The following DAPK1 variants were observed in gnomAD, a reference collection of about 807,000 sequenced individuals.
DAPK1 encodes death-associated protein kinase 1.
In DAPK1, 56 loss-of-function variants were observed where a neutral mutation model predicts 144.9. The observed-to-expected ratio is 0.39, with a 90% CI of 0.31 to 0.48. The LOEUF is 0.48. DAPK1 is among the 20% of genes least tolerant of loss of function. DAPK1 has a pLI of 0.95. For missense variants in DAPK1, 1,454 were observed against 1,875.4 expected, an observed-to-expected ratio of 0.78 and a Z score of 4.15; for synonymous variants, 690 against 749.0, an observed-to-expected ratio of 0.92 and a Z score of 1.29.
Position 87,639,645 on chromosome 9 carries a change from C to T in DAPK1, c.554-5C>T. 1 of 1,614,094 alleles carries T rather than the reference C, an allele frequency of 6.2e-7. No homozygotes were observed. The highest frequency in any genetic ancestry group is 8.5e-7 in the Non-Finnish European group (1 of 1,179,972). On this transcript the variant is annotated splice_region_variant and splice_polypyrimidine_tract_variant and intron_variant, in intron 5 of 25. Transcript: ENST00000408954. ...CAAGCTAAATGAGTGTTTGTTTCCT[C>T]TTAGCTCCTGAGATAGTCAACTATG...
chr9:87,608,570 AG>A, intron 3 of DAPK1, among the ~76,000 whole-genome samples: 1 of 152,344 alleles, frequency 6.6e-6, no homozygotes, highest in Non-Finnish European at 1.5e-5. Flanking sequence ...TTCTAAAGTG[AG>A]CATACCGTTT....
chr9:87,639,766 T>A (rs1304622588), intron 6 of DAPK1, 23 bp from the exon 7 acceptor site: 1 of 1,613,438 alleles, frequency 6.2e-7, no homozygotes, highest in African/African-American at 1.3e-5. Flanking sequence ...CATGTTTTTT[T>A]GTTTGTTTTG....
chr9:87,691,166 A>G (rs755324530), intron 21 of DAPK1, among the ~76,000 whole-genome samples: 8 of 151,826 alleles, frequency 5.3e-5, no homozygotes, highest in African/African-American at 1.7e-4. Flanking sequence ...TACCAGTTCA[A>G]TCTCATTACT....
intron 3 of DAPK1, among the ~76,000 whole-genome samples, chr9:87,627,142 G>T (rs1012218951): frequency 3.3e-5 from 5 of 152,162 alleles, no homozygotes; most frequent in African/African-American, 1.2e-4. Context: ...CCAGCAGGTT[G>T]GCCATGGGGA....
At chr9:87,667,669 A>G (rs1831104077) in intron 18 of DAPK1, 1 of 152,196 alleles carries the variant, frequency 6.6e-6, no homozygotes, top group Non-Finnish European at 1.5e-5. Flanking sequence ...CAACTTTGTT[A>G]TTGATACACA....
At chr9:87,632,339 G>C (rs1829724170) in intron 3 of DAPK1, 2 of 983,782 alleles carry the variant, frequency 2.0e-6, no homozygotes, top group Admixed American at 6.2e-5. Flanking sequence ...GGACAAGGAG[G>C]ATGAGTACAT....
At chr9:87,625,683 T>G (rs1829467260) in intron 3 of DAPK1, among the ~76,000 whole-genome samples, 1 of 152,190 alleles carries the variant, frequency 6.6e-6, no homozygotes, top group Admixed American at 6.5e-5. Flanking sequence ...CCCAGAAAGA[T>G]TAAGTACTTT....
intron 3 of DAPK1, among the ~76,000 whole-genome samples, chr9:87,611,820 G>A (rs563991817): frequency 3.9e-4 from 59 of 152,212 alleles, no homozygotes; most frequent in African/African-American, 1.3e-3. Context: ...ACAGATTCCC[G>A]GGTGATGCGG....
chr9:87,534,812 C>T (rs1028571874), intron 2 of DAPK1, among the ~76,000 whole-genome samples: 3 of 151,868 alleles, frequency 2.0e-5, no homozygotes, highest in African/African-American at 7.2e-5. Context: ...GCCTGGCTAA[C>T]TTTTGTATTT....
chr9:87,557,284 A>ATTTC (rs1826752453), intron 2 of DAPK1, among the ~76,000 whole-genome samples: 1 of 152,162 alleles, frequency 6.6e-6, no homozygotes, highest in Non-Finnish European at 1.5e-5. Context: ...CTGGAAACCC[A>ATTTC]CATCTTCATT....
intron 2 of DAPK1, among the ~76,000 whole-genome samples, chr9:87,586,813 A>G (rs1827954571): frequency 6.6e-6 from 1 of 152,248 alleles, no homozygotes; most frequent in Non-Finnish European, 1.5e-5. Flanking sequence ...CACTTTCTTC[A>G]GTTTGTTTAC....
intron 19 of DAPK1, among the ~76,000 whole-genome samples, chr9:87,675,886 CACACACACA>C (rs1824354717): frequency 4.6e-5 from 7 of 151,714 alleles, no homozygotes; most frequent in African/African-American, 1.7e-4. Flanking sequence ...CACACACACA[CACACACACA>C]CCCTTATGAC....
At chr9:87,522,934 C>CTTTT (rs1563973377) in intron 2 of DAPK1, among the ~76,000 whole-genome samples, 1 of 152,144 alleles carries the variant, frequency 6.6e-6, no homozygotes, top group Non-Finnish European at 1.5e-5. Flanking sequence ...TTTTTCTCTA[C>CTTTT]GTTTGTAGAC....
Position 87,686,520 on chromosome 9 carries a change from G to T in DAPK1, c.2225-31G>T. 2 of 1,323,354 alleles carry T rather than the reference G, an allele frequency of 1.5e-6. No individual in the cohort carries two copies. Among genetic ancestry groups the T allele is most frequent in the Non-Finnish European group, 2.1e-6 (2 of 940,630 alleles). The allele number at this position is 1,323,354 out of a possible 1,614,324, so 82.0% of individuals were successfully genotyped here. A position where few individuals can be genotyped will look rare whatever the true frequency, so the allele number is the denominator to read the frequency against. ...GAGACAGGCACACGCTGCCCCCATC[G>T]AGTACTCATGTGATCCTTTCCATCC... On this transcript the variant is annotated intron_variant, in intron 20 of 25. Coordinates refer to ENST00000408954, the MANE Select transcript of DAPK1 (RefSeq NM_004938.4). This position sits in a 1 kb window ranked among gnomAD's most constrained non-coding sequence, Gnocchi z 4.2.
At chr9:87,515,743 G>A (rs997586060) in intron 2 of DAPK1, among the ~76,000 whole-genome samples, 3 of 152,172 alleles carry the variant, frequency 2.0e-5, no homozygotes, top group Admixed American at 1.3e-4. Flanking sequence ...CAACTCTGTG[G>A]ATCTGTGGTC....
At position 87,697,121 on chromosome 9, in the gene DAPK1, A is replaced by T. The variant is rs757535666; in HGVS notation, c.2528A>T (p.Glu843Val). The change falls in exon 22 of 26, where the codon GAA becomes GTA. Residue 843 changes from glutamate to valine, a missense_variant. By Grantham distance (121) the Glu-to-Val change is moderately radical. Coordinates refer to ENST00000408954, the MANE Select transcript of DAPK1 (RefSeq NM_004938.4). The part of the protein sequence containing the change: ...TSIHVVVFSL[E>V]EPYEIQLNQV... ...ATCCATGTTGTTGTCTTTAGTCTAGAAGAGCCCTATGAGATCCAGCTGAAC... is the reference window on the plus strand; with the variant it reads ...ATCCATGTTGTTGTCTTTAGTCTAGTAGAGCCCTATGAGATCCAGCTGAAC... 1 of 1,566,710 alleles carries T rather than the reference A, an allele frequency of 6.4e-7. No homozygotes were observed. Among genetic ancestry groups the T allele is most frequent in the Non-Finnish European group, 8.8e-7 (1 of 1,136,690 alleles).
At chr9:87,617,094 C>T (rs113525407) in intron 3 of DAPK1, among the ~76,000 whole-genome samples, 13 of 152,324 alleles carry the variant, frequency 8.5e-5, no homozygotes, top group African/African-American at 2.9e-4. Flanking sequence ...CCGGTGTCCC[C>T]CTTCCCCAAT....
chr9:87,576,337 G>T (rs1448225998), intron 2 of DAPK1, among the ~76,000 whole-genome samples: 1 of 152,194 alleles, frequency 6.6e-6, no homozygotes, highest in Non-Finnish European at 1.5e-5. Flanking sequence ...AAAGCGCAGT[G>T]GACTCCTATA....
intron 3 of DAPK1, among the ~76,000 whole-genome samples, chr9:87,620,696 G>A (rs1281449006): frequency 6.6e-6 from 1 of 151,970 alleles, no homozygotes; most frequent in Non-Finnish European, 1.5e-5. Context: ...GGGAGGAGGA[G>A]GAGGAGGAGG....
Sources: allele counts gnomAD v4.1 joint callset (sites outside exome capture counted in the v4.1 genomes callset), GRCh38; gene constraint gnomAD v4.1.1; non-coding constraint Gnocchi (gnomAD v3.1); transcripts MANE v1.5; gene names NCBI Gene and HGNC (gene_info 2026-07-23, HGNC 2026-07-21).